The following ZFYVE28 variants were observed in gnomAD, a reference collection of about 807,000 sequenced individuals.
ZFYVE28 encodes lateral signaling target protein 2 homolog.
In ZFYVE28, 40 loss-of-function variants were observed where a neutral mutation model predicts 82.1. The observed-to-expected ratio is 0.49, with a 90% CI of 0.38 to 0.63. The LOEUF is 0.63. Ranked by LOEUF, ZFYVE28 falls within the 30% of genes least tolerant of loss-of-function variation. The pLI is 0.00. For missense variants in ZFYVE28, 1,321 were observed against 1,242.1 expected (o/e 1.06, Z -0.96); for synonymous variants, 612 against 546.1 (o/e 1.12, Z -1.68).
Position 2,289,126 on chromosome 4 carries a change from T to C in ZFYVE28, c.2052-14910A>G, listed in dbSNP as rs981893848. Among the ~76,000 whole-genome samples the C allele has an allele frequency of 6.6e-5, 10 of 152,262 alleles. No individual in the cohort carries two copies. In the South Asian group the frequency reaches 1.0e-3, roughly 16 times the overall value. On this transcript the variant is annotated intron_variant, in intron 8 of 12. Coordinates refer to ENST00000290974, the MANE Select transcript of ZFYVE28 (RefSeq NM_020972.3). ...GGCAAAACCTAGTCTCTTCTAAAAA[T>C]ACAAAGGTTAGCTGTGGGGGTGGCA... is the stretch of plus-strand genomic sequence containing the variant.
intron 2 of ZFYVE28, among the ~76,000 whole-genome samples, chr4:2,345,873 G>A (rs1723463140): frequency 6.6e-6 from 1 of 151,906 alleles, no homozygotes; most frequent in African/African-American, 2.4e-5. Context: ...CAAGTGAGAA[G>A]AGAATGAAAC....
intron 12 of ZFYVE28, 137 bp from the exon 13 acceptor site, chr4:2,270,993 G>T: frequency 7.5e-7 from 1 of 1,336,720 alleles, no homozygotes; most frequent in South Asian, 1.4e-5. Context: ...GCTGCCAGGG[G>T]TTGTGACCTT....
At chr4:2,336,567 C>T (rs1238553676) in intron 5 of ZFYVE28, among the ~76,000 whole-genome samples, 2 of 152,078 alleles carry the variant, frequency 1.3e-5, no homozygotes, top group Non-Finnish European at 2.9e-5. Context: ...CCCCTGCCCC[C>T]CCCACTCCCT....
At chr4:2,327,258 ATATATATAT>A in intron 6 of ZFYVE28, among the ~76,000 whole-genome samples, 1 of 2,412 alleles carries the variant, frequency 4.1e-4, no homozygotes, top group African/African-American at 1.6e-3. Flanking sequence ...TCAAATATAT[ATATATATAT>A]ATATATATAT....
chr4:2,333,523 C>T (rs2108850661), intron 6 of ZFYVE28, among the ~76,000 whole-genome samples: 1 of 152,108 alleles, frequency 6.6e-6, no homozygotes, highest in East Asian at 1.9e-4. Flanking sequence ...ACACAGTATG[C>T]CTGGGGTGCG....
intron 8 of ZFYVE28, among the ~76,000 whole-genome samples, chr4:2,298,841 C>A (rs931516488): frequency 1.3e-5 from 2 of 152,196 alleles, no homozygotes; most frequent in Non-Finnish European, 2.9e-5. Context: ...CTCTGATGCA[C>A]AGAGGCCCTT....
intron 1 of ZFYVE28, among the ~76,000 whole-genome samples, chr4:2,354,769 T>A (rs1724991445): frequency 6.6e-6 from 1 of 151,458 alleles, no homozygotes; most frequent in Non-Finnish European, 1.5e-5. Context: ...AGGAAATATT[T>A]TTTTATTCAC....
chr4:2,334,356 C>T (rs1052758947), intron 6 of ZFYVE28, among the ~76,000 whole-genome samples: 1 of 151,990 alleles, frequency 6.6e-6, no homozygotes, highest in African/African-American at 2.4e-5. Flanking sequence ...CCCATTGCTC[C>T]CCACTCCAAC....
intron 1 of ZFYVE28, among the ~76,000 whole-genome samples, chr4:2,399,128 G>GGGGGGGGGTGAGAT (rs1560339090): frequency 6.5e-5 from 7 of 108,100 alleles, no homozygotes; most frequent in South Asian, 5.3e-4. Flanking sequence ...GAGGGCACAA[G>GGGGGGGGGTGAGAT]CTGGGTGGTG....
At chr4:2,309,428 T>C (rs549143169) in intron 7 of ZFYVE28, among the ~76,000 whole-genome samples, 1 of 152,352 alleles carries the variant, frequency 6.6e-6, no homozygotes, top group South Asian at 2.1e-4. Flanking sequence ...TTTGATTTCA[T>C]TTCGCATTTA....
intron 8 of ZFYVE28, among the ~76,000 whole-genome samples, chr4:2,282,481 C>A (rs1275230901): frequency 2.6e-5 from 4 of 152,048 alleles, no homozygotes; most frequent in Non-Finnish European, 5.9e-5. Context: ...GTGAGGGGAG[C>A]CTCTGAGATG....
At chr4:2,334,753 T>TCCCCTCTTCCCCCTCC (rs1721331547) in intron 6 of ZFYVE28, among the ~76,000 whole-genome samples, 2 of 4,676 alleles carry the variant, frequency 4.3e-4, no homozygotes, top group Non-Finnish European at 9.8e-4. Flanking sequence ...CCCTTCCCCC[T>TCCCCTCTTCCCCCTCC]CCCCTTCCCC....
intron 12 of ZFYVE28, chr4:2,271,102 C>T: frequency 1.4e-6 from 1 of 736,914 alleles, no homozygotes; most frequent in Non-Finnish European, 2.2e-6. Flanking sequence ...GGCTCTGCAG[C>T]AGCCGGGACT....
chr4:2,276,296 C>G (rs1443316228), intron 8 of ZFYVE28, among the ~76,000 whole-genome samples: 4 of 152,236 alleles, frequency 2.6e-5, no homozygotes, highest in Admixed American at 1.3e-4. Flanking sequence ...TCTGCTGGGA[C>G]CCCAACAATG....
intron 7 of ZFYVE28, among the ~76,000 whole-genome samples, chr4:2,314,334 G>C (rs948184417): frequency 5.3e-5 from 8 of 152,328 alleles, no homozygotes; most frequent in African/African-American, 1.7e-4. Context: ...TGTTGCTGCT[G>C]TTTCAACCCA....
intron 3 of ZFYVE28, among the ~76,000 whole-genome samples, chr4:2,340,952 G>A (rs1722697331): frequency 6.6e-6 from 1 of 151,998 alleles, no homozygotes; most frequent in African/African-American, 2.4e-5. Context: ...GGCAAGGGGA[G>A]GAGGCTGGGG....
At chr4:2,277,956 T>TGA (rs1491551909) in intron 8 of ZFYVE28, among the ~76,000 whole-genome samples, 1 of 152,200 alleles carries the variant, frequency 6.6e-6, no homozygotes, top group Non-Finnish European at 1.5e-5. Context: ...GAATCAAGAC[T>TGA]GTGCAGCAGC....
chr4:2,299,239 A>G (rs1385202843), intron 8 of ZFYVE28, among the ~76,000 whole-genome samples: 1 of 152,148 alleles, frequency 6.6e-6, no homozygotes, highest in Admixed American at 6.5e-5. Flanking sequence ...CGCTAACAGA[A>G]CAACTGCCCA....
chr4:2,329,428 T>G (rs1218817000), intron 6 of ZFYVE28, among the ~76,000 whole-genome samples: 3 of 152,230 alleles, frequency 2.0e-5, no homozygotes, highest in Non-Finnish European at 4.4e-5. Flanking sequence ...TGGAATATTA[T>G]TCAGCCTTAA....
Sources: allele counts gnomAD v4.1 joint callset (sites outside exome capture counted in the v4.1 genomes callset), GRCh38; gene constraint gnomAD v4.1.1; transcripts MANE v1.5; gene names NCBI Gene and HGNC (gene_info 2026-07-23, HGNC 2026-07-21).